The following SLCO1A2 variants were observed in gnomAD, a reference collection of about 807,000 sequenced individuals.
The protein encoded by SLCO1A2 is solute carrier organic anion transporter family member 1A2.
In SLCO1A2, 67 loss-of-function variants were observed where a neutral mutation model predicts 69.0. The ratio of observed to expected loss-of-function variants is 0.97; its 90% CI spans 0.80 to 1.19. The LOEUF (loss-of-function observed/expected upper bound fraction) is 1.19, where lower values mean the gene tolerates loss of function less well. Ranked by LOEUF, SLCO1A2 falls within the 50% of genes most tolerant of loss-of-function variation. The pLI, the probability that SLCO1A2 is intolerant of heterozygous loss-of-function variation, is 0.00. For missense variants in SLCO1A2, 787 were observed against 793.7 expected (o/e 0.99, Z 0.10); for synonymous variants, 260 against 265.9 (o/e 0.98, Z 0.22).
chr12:21,292,026 T>C (rs1009291991), intron 12 of SLCO1A2, 138 bp downstream of exon 12: 6 of 514,318 alleles, frequency 1.2e-5, no homozygotes, highest in Non-Finnish European at 1.6e-5. Flanking sequence ...AATCCAACAA[T>C]GCTTAATACA....
chr12:21,271,449 T>C (rs1367521714), intron 14 of SLCO1A2, among the ~76,000 whole-genome samples: 2 of 144,834 alleles, frequency 1.4e-5, no homozygotes, highest in Admixed American at 6.7e-5. Flanking sequence ...GTTTCAATTA[T>C]TCTTATTTGA....
intron 1 of SLCO1A2, among the ~76,000 whole-genome samples, chr12:21,381,305 G>A (rs889609570): frequency 3.3e-5 from 5 of 151,590 alleles, no homozygotes; most frequent in Admixed American, 6.6e-5. Context: ...AAAGGAACTC[G>A]AACAAATCAG....
chr12:21,301,095 C>T, intron 7 of SLCO1A2, 76 bp downstream of exon 7: 1 of 815,168 alleles, frequency 1.2e-6, no homozygotes, highest in South Asian at 2.4e-5. Flanking sequence ...CAAGTAAGGC[C>T]ATGATTATAT....
intron 2 of SLCO1A2, among the ~76,000 whole-genome samples, chr12:21,351,041 AGC>A (rs1937910674): frequency 6.6e-6 from 1 of 152,118 alleles, no homozygotes; most frequent in African/African-American, 2.4e-5. Flanking sequence ...GCAACAACAC[AGC>A]CTGTATTCCA....
At chr12:21,295,529 G>C in intron 10 of SLCO1A2, 68 bp downstream of exon 10, 1 of 969,028 alleles carries the variant, frequency 1.0e-6, no homozygotes, top group East Asian at 2.4e-5. Context: ...ATCGTGCATT[G>C]CCATTGTAAA....
At chr12:21,313,164 A>G (rs1950430937) in intron 4 of SLCO1A2, among the ~76,000 whole-genome samples, 2 of 152,224 alleles carry the variant, frequency 1.3e-5, no homozygotes, top group Non-Finnish European at 2.9e-5. Flanking sequence ...AGTAATATCA[A>G]TGATCACTAA....
chr12:21,405,188 G>A (rs1027520473), intron 1 of SLCO1A2, among the ~76,000 whole-genome samples: 2 of 151,126 alleles, frequency 1.3e-5, no homozygotes, highest in African/African-American at 2.4e-5. Context: ...CTGTTCACTC[G>A]GATGATAGTT....
At chr12:21,369,666 A>C (rs1354400620) in intron 2 of SLCO1A2, among the ~76,000 whole-genome samples, 1 of 152,214 alleles carries the variant, frequency 6.6e-6, no homozygotes, top group Non-Finnish European at 1.5e-5. Flanking sequence ...TTGCTAAGGA[A>C]AGATCATTTT....
At chr12:21,273,603 G>A (rs560548787) in intron 14 of SLCO1A2, among the ~76,000 whole-genome samples, 2 of 152,240 alleles carry the variant, frequency 1.3e-5, no homozygotes, top group Non-Finnish European at 2.9e-5. Context: ...AAGAATCCAA[G>A]TAGCAGGATG....
rs1947572301 is a variant in SLCO1A2 at position 21,295,465 on chromosome 12, A to G, written c.1271+132T>C. 7.8e-6 allele frequency: 5 copies of G among 641,392 alleles called. No individual in the cohort carries two copies. In the South Asian group the frequency reaches 7.9e-5, roughly 10 times the overall value. The allele number at this position is 641,392 out of a possible 1,614,324, so 39.7% of individuals were successfully genotyped here. A position where few individuals can be genotyped will look rare whatever the true frequency, so the allele number is the denominator to read the frequency against. ...TTGGCTTGATTGACAGATGGAGGAA[A>G]GATACAGGAAAAGCATGGATTACTA... On this transcript the variant is annotated intron_variant, in intron 10 of 14. Transcript: ENST00000683939.
chr12:21,381,200 G>C (rs1485150718), intron 1 of SLCO1A2, among the ~76,000 whole-genome samples: 1 of 151,976 alleles, frequency 6.6e-6, no homozygotes, highest in Non-Finnish European at 1.5e-5. Context: ...CTGCACAGCA[G>C]GAGAAATAAT....
upstream of SLCO1A2, among the ~76,000 whole-genome samples, chr12:21,399,142 A>AGCT (rs1941595411): frequency 6.8e-6 from 1 of 147,058 alleles, no homozygotes; most frequent in Non-Finnish European, 1.5e-5. Flanking sequence ...TCTCAGCCCA[A>AGCT]AATCTCCTTA....
chr12:21,333,554 C>T lies in SLCO1A2; in HGVS notation c.60+1034G>A, dbSNP rs143733609. The stretch of plus-strand genomic sequence containing the variant: ...TTGCCTCTCACTTTTACCTGATAAA[C>T]TTGTGCTTACAGCATTTTGTCTTAA... On this transcript the variant is annotated intron_variant, in intron 2 of 14. Transcript: ENST00000683939. 5.1e-3 allele frequency among the ~76,000 whole-genome samples: 782 copies of T among 152,204 alleles called. 7 individuals are homozygous for T. The highest frequency in any genetic ancestry group is 0.017 in the African/African-American group (725 of 41,560).
At chr12:21,283,810 G>A (rs377492983) in intron 12 of SLCO1A2, among the ~76,000 whole-genome samples, 12 of 152,102 alleles carry the variant, frequency 7.9e-5, no homozygotes, top group African/African-American at 2.9e-4. Context: ...TTATGAAAAG[G>A]TGCTCAGCAT....
intron 2 of SLCO1A2, among the ~76,000 whole-genome samples, chr12:21,367,312 A>T (rs1306000301): frequency 6.6e-6 from 1 of 152,154 alleles, no homozygotes; most frequent in East Asian, 1.9e-4. Flanking sequence ...TAAGGACATA[A>T]ATCAAGAAAA....
At chr12:21,314,402 TAGAC>T (rs1311194049) in intron 4 of SLCO1A2, 143 bp downstream of exon 4, 26 of 835,480 alleles carry the variant, frequency 3.1e-5, no homozygotes, top group African/African-American at 2.9e-4. Context: ...GAGCACCAAA[TAGAC>T]AGATGGAACA....
chr12:21,382,806 AAAAG>A (rs1411315649), intron 1 of SLCO1A2, among the ~76,000 whole-genome samples: 4 of 151,750 alleles, frequency 2.6e-5, no homozygotes, highest in Non-Finnish European at 1.5e-5. Context: ...AAAAAAAAAA[AAAAG>A]AAAGAAAAGA....
chr12:21,316,667 C>T (rs1042025478), intron 3 of SLCO1A2, among the ~76,000 whole-genome samples: 5 of 151,918 alleles, frequency 3.3e-5, no homozygotes, highest in African/African-American at 1.2e-4. Flanking sequence ...TTTTCTTCTA[C>T]CTGTGCCTTA....
In SLCO1A2 at chr12:21,271,219, G is replaced by A. The variant is rs190500283; in HGVS notation, c.1794-1452C>T. ...GTTTTACCTCATTAATTGGATTAAA[G>A]CATTGAATCTGAATTTAGTCGCTTG... On this transcript the variant is annotated intron_variant, in intron 14 of 14. Transcript: ENST00000683939. 2.9e-3 allele frequency among the ~76,000 whole-genome samples: 447 copies of A among 151,838 alleles called. 1 individual carries two copies. The highest frequency in any genetic ancestry group is 9.8e-3 in the African/African-American group (409 of 41,536).
Sources: allele counts gnomAD v4.1 joint callset (sites outside exome capture counted in the v4.1 genomes callset), GRCh38; gene constraint gnomAD v4.1.1; transcripts MANE v1.5; gene names NCBI Gene and HGNC (gene_info 2026-07-23, HGNC 2026-07-21).